DLG2: variants seen among roughly 807,000 people sequenced by gnomAD.
The protein encoded by DLG2 is disks large homolog 2.
A neutral mutation model predicts 132.5 loss-of-function variants in DLG2; 45 were observed. That is an observed-to-expected ratio of 0.34 (90% confidence interval 0.27 to 0.44). The LOEUF (loss-of-function observed/expected upper bound fraction) is 0.44, where lower values mean the gene tolerates loss of function less well. Ranked by LOEUF, DLG2 falls within the 20% of genes least tolerant of loss-of-function variation. The probability of loss-of-function intolerance (pLI) is 1.00; values close to 1 mark genes in which losing one functional copy is unlikely to be tolerated. For missense variants in DLG2, 1,045 were observed against 1,196.9 expected, an observed-to-expected ratio of 0.87 and a Z score of 1.87; for synonymous variants, 424 against 419.6, an observed-to-expected ratio of 1.01 and a Z score of -0.13.
intron 6 of DLG2, among the ~76,000 whole-genome samples, chr11:84,753,203 G>A (rs1278856682): frequency 6.6e-6 from 1 of 152,202 alleles, no homozygotes; most frequent in Non-Finnish European, 1.5e-5. Flanking sequence ...AGAGAAGAGA[G>A]ACAGATTAGT....
intron 5 of DLG2, 59 bp downstream of exon 5, chr11:85,154,497 G>A: frequency 4.6e-6 from 4 of 870,628 alleles, no homozygotes; most frequent in Non-Finnish European, 7.2e-6. Flanking sequence ...TATCCACAAA[G>A]AACAAGACAA....
At chr11:84,502,421 G>C (rs537925030) in intron 7 of DLG2, among the ~76,000 whole-genome samples, 3 of 105,986 alleles carry the variant, frequency 2.8e-5, no homozygotes, top group Non-Finnish European at 5.5e-5. Context: ...TTTCTATACA[G>C]AGTCTCATGC....
At chr11:84,811,647 C>A (rs2076569900) in intron 6 of DLG2, among the ~76,000 whole-genome samples, 1 of 151,998 alleles carries the variant, frequency 6.6e-6, no homozygotes, top group Non-Finnish European at 1.5e-5. Flanking sequence ...AACATTTCTC[C>A]CCCACATGAT....
Position 84,317,922 on chromosome 11 carries a change from G to A in DLG2, c.520-66631C>T, listed in dbSNP as rs150246538. ...AACATATATTCTTTATGCTATACAC[G>A]ATTATTAATTCTTTCTTATTCAAAG... On this transcript the variant is annotated intron_variant, in intron 7 of 27. Coordinates refer to ENST00000376104, the MANE Select transcript of DLG2 (RefSeq NM_001142699.3). 5.3e-3 allele frequency among the ~76,000 whole-genome samples: 811 copies of A among 152,206 alleles called. 1 individual carries two copies. Among genetic ancestry groups the A allele is most frequent in the Non-Finnish European group, 8.4e-3 (574 of 68,006 alleles).
chr11:85,495,827 C>T (rs974909838), intron 3 of DLG2, among the ~76,000 whole-genome samples: 1 of 152,136 alleles, frequency 6.6e-6, no homozygotes, highest in Non-Finnish European at 1.5e-5. Context: ...AAGACATGCA[C>T]ACTTATGTTT....
intron 5 of DLG2, among the ~76,000 whole-genome samples, chr11:85,112,665 T>C (rs2072961284): frequency 6.6e-6 from 1 of 152,056 alleles, no homozygotes; most frequent in African/African-American, 2.4e-5. Context: ...ACAATAAACA[T>C]AAGTAGGAGT....
intron 3 of DLG2, among the ~76,000 whole-genome samples, chr11:85,389,956 A>G (rs1358758538): frequency 1.3e-5 from 2 of 152,114 alleles, no homozygotes; most frequent in African/African-American, 4.8e-5. Flanking sequence ...ACACAATGAA[A>G]AAAGTACTCA....
chr11:84,187,954 C>T (rs909516431), intron 8 of DLG2, among the ~76,000 whole-genome samples: 23 of 152,132 alleles, frequency 1.5e-4, no homozygotes, highest in African/African-American at 5.5e-4. Context: ...GTAACCACTA[C>T]TGCCTGAAAT....
chr11:84,654,613 G>T (rs189722155), intron 6 of DLG2, among the ~76,000 whole-genome samples: 263 of 152,272 alleles, frequency 1.7e-3, no homozygotes, highest in African/African-American at 6.2e-3. Flanking sequence ...CTGTATTAAA[G>T]GACGTGCTGT....
At chr11:84,077,881 A>G (rs1223627003) in intron 10 of DLG2, among the ~76,000 whole-genome samples, 4 of 152,174 alleles carry the variant, frequency 2.6e-5, no homozygotes, top group Admixed American at 1.3e-4. Flanking sequence ...TTTTCTATTG[A>G]TCACCCTAGC....
intron 15 of DLG2, among the ~76,000 whole-genome samples, chr11:83,887,830 C>T (rs1009107046): frequency 2.3e-4 from 35 of 150,134 alleles, no homozygotes; most frequent in Non-Finnish European, 3.7e-4. Context: ...AGCATATAAA[C>T]GGAACCAAAG....
intron 4 of DLG2, among the ~76,000 whole-genome samples, chr11:85,226,077 T>C (rs2074955119): frequency 6.6e-6 from 1 of 151,968 alleles, no homozygotes; most frequent in African/African-American, 2.4e-5. Context: ...TCTCCAAAAA[T>C]ATTTCTTGAG....
Position 84,451,236 on chromosome 11 carries a change from T to C in DLG2, c.519+83334A>G, listed in dbSNP as rs188487386. On this transcript the variant is annotated intron_variant, in intron 7 of 27. Transcript: ENST00000376104. The stretch of plus-strand genomic sequence containing the variant: ...TCTTCAATCCTTTTACCTTCTAATA[T>C]TATAGGCTGCATCTAAACTTTCGTT... Among the ~76,000 whole-genome samples the C allele has an allele frequency of 3.9e-5, 6 of 151,980 alleles. No individual in the cohort carries two copies. In the East Asian group the frequency reaches 1.2e-3, roughly 29 times the overall value.
intron 21 of DLG2, among the ~76,000 whole-genome samples, chr11:83,526,405 A>C (rs1326030199): frequency 6.6e-6 from 1 of 152,144 alleles, no homozygotes; most frequent in Non-Finnish European, 1.5e-5. Context: ...ATCTCTCAGA[A>C]ACCCACTTCT....
intron 18 of DLG2, among the ~76,000 whole-genome samples, chr11:83,782,055 T>C (rs2094851471): frequency 6.6e-6 from 1 of 152,174 alleles, no homozygotes; most frequent in African/African-American, 2.4e-5. Flanking sequence ...CAGCTGTAGA[T>C]TTTCTGCAAT....
intron 4 of DLG2, among the ~76,000 whole-genome samples, chr11:85,217,814 G>A (rs2082720580): frequency 6.6e-6 from 1 of 152,192 alleles, no homozygotes; most frequent in Non-Finnish European, 1.5e-5. Flanking sequence ...CTCTTCGGTT[G>A]CTTTTGTGGA....
At chr11:85,340,801 C>G (rs1020398161) in intron 3 of DLG2, among the ~76,000 whole-genome samples, 25 of 152,076 alleles carry the variant, frequency 1.6e-4, no homozygotes, top group African/African-American at 4.3e-4. Context: ...TTCGTTTTCT[C>G]TAGAATTTGA....
chr11:84,976,772 A>G (rs1291373610), intron 6 of DLG2, among the ~76,000 whole-genome samples: 1 of 152,190 alleles, frequency 6.6e-6, no homozygotes. Context: ...TCAAAGACTT[A>G]AAACACAAAT....
chr11:84,199,427 A>G (rs1233469197), intron 8 of DLG2, among the ~76,000 whole-genome samples: 1 of 152,198 alleles, frequency 6.6e-6, no homozygotes, highest in Non-Finnish European at 1.5e-5. Context: ...ATAAAATACA[A>G]TACATGCAAA....
Sources: gnomAD v4.1 joint callset for allele counts (sites outside exome capture counted in the v4.1 genomes callset) on GRCh38, gnomAD v4.1.1 for gene constraint, MANE v1.5 for transcripts, NCBI Gene and HGNC (gene_info 2026-07-23, HGNC 2026-07-21) for gene names.